HHIP: variants seen among roughly 807,000 people sequenced by gnomAD.
HHIP encodes the protein hedgehog-interacting protein.
Under a neutral mutation model 74.0 loss-of-function variants are expected in HHIP, and 12 were observed. That is an observed-to-expected ratio of 0.16 (90% CI 0.10 to 0.26). HHIP has a LOEUF of 0.26. Ranked by LOEUF, HHIP falls within the 10% of genes least tolerant of loss-of-function variation. HHIP has a pLI of 1.00. For synonymous variants in HHIP, 309 were observed against 311.6 expected (o/e 0.99, Z 0.09); for missense variants, 788 against 845.0 (o/e 0.93, Z 0.84).
intron 4 of HHIP, among the ~76,000 whole-genome samples, chr4:144,690,273 G>T (rs1361622039): frequency 6.6e-6 from 1 of 152,154 alleles, no homozygotes; most frequent in Non-Finnish European, 1.5e-5. Flanking sequence ...TGCAATCAAA[G>T]AATAATAAAA....
chr4:144,684,754 A>G (rs1220631465), intron 4 of HHIP, among the ~76,000 whole-genome samples: 1 of 152,108 alleles, frequency 6.6e-6, no homozygotes, highest in African/African-American at 2.4e-5. Context: ...ATAAGGAGCC[A>G]TTTTTTATTT....
chr4:144,667,352 A>G (rs1490999366), intron 4 of HHIP, among the ~76,000 whole-genome samples: 3 of 152,154 alleles, frequency 2.0e-5, no homozygotes, highest in Non-Finnish European at 4.4e-5. Context: ...TCATCTCAAA[A>G]AAATAATAAA....
At chr4:144,674,521 G>A (rs1304064664) in intron 4 of HHIP, among the ~76,000 whole-genome samples, 1 of 152,014 alleles carries the variant, frequency 6.6e-6, no homozygotes, top group African/African-American at 2.4e-5. Flanking sequence ...AGAAAAGGTT[G>A]AAAAGGATAT....
rs1731203252 is a variant in HHIP at position 144,739,161 on chromosome 4, T to C, written c.*1204T>C. On this transcript the variant is annotated 3_prime_UTR_variant, in exon 13 of 13. Transcript: ENST00000296575. ...CTCAATGAAAATACTCTTTGGCTAA[T>C]GTATCAATAAATTTTCTGTAAATGT... is the stretch of plus-strand genomic sequence containing the variant. 6.6e-6 allele frequency: 1 copy of C among 152,256 alleles called. No homozygotes were observed. The highest frequency in any genetic ancestry group is 1.5e-5 in the Non-Finnish European group (1 of 68,044). 9.4% of individuals were successfully genotyped at this position (152,256 alleles called of 1,614,324 possible).
chr4:144,697,029 G>A (rs191743010), intron 4 of HHIP, among the ~76,000 whole-genome samples: 1 of 151,980 alleles, frequency 6.6e-6, no homozygotes, highest in East Asian at 1.9e-4. Flanking sequence ...CCCTTTTACA[G>A]TTCAGTCTAG....
chr4:144,688,214 A>C (rs1729540520), intron 4 of HHIP, among the ~76,000 whole-genome samples: 1 of 152,130 alleles, frequency 6.6e-6, no homozygotes, highest in South Asian at 2.1e-4. Flanking sequence ...TTCCCACCCA[A>C]GTCAGCCTTG....
intron 4 of HHIP, among the ~76,000 whole-genome samples, chr4:144,698,460 TA>T (rs1190154938): frequency 6.6e-6 from 1 of 152,128 alleles, no homozygotes; most frequent in Non-Finnish European, 1.5e-5. Context: ...CTTTGCAGCC[TA>T]GGAGCAACGG....
chr4:144,713,139 G>A (rs1219782647), intron 8 of HHIP, among the ~76,000 whole-genome samples: 2 of 152,034 alleles, frequency 1.3e-5, no homozygotes, highest in African/African-American at 4.8e-5. Context: ...CCTGTAGTAA[G>A]CACTTTATAC....
intron 7 of HHIP, 125 bp downstream of exon 7, chr4:144,708,436 C>A (rs1347452415): frequency 1.2e-6 from 1 of 857,774 alleles, no homozygotes; most frequent in Admixed American, 2.3e-5. Flanking sequence ...GGCCATGCCT[C>A]TAAAGTCACA....
chr4:144,666,338 T>C (rs1728863095), intron 4 of HHIP, among the ~76,000 whole-genome samples: 1 of 150,228 alleles, frequency 6.7e-6, no homozygotes, highest in Non-Finnish European at 1.5e-5. Context: ...AAATTTCAAG[T>C]ATACAATAAA....
At chr4:144,698,917 G>T (rs1729898715) in intron 4 of HHIP, among the ~76,000 whole-genome samples, 1 of 152,160 alleles carries the variant, frequency 6.6e-6, no homozygotes, top group African/African-American at 2.4e-5. Flanking sequence ...AAATAGACTT[G>T]ATCACGATCT....
chr4:144,718,737 C>T, intron 10 of HHIP, 138 bp from the exon 11 acceptor site: 2 of 672,484 alleles, frequency 3.0e-6, no homozygotes, highest in Non-Finnish European at 2.7e-6. Context: ...ACATGTGAGA[C>T]TCTTGCATAA....
chr4:144,658,689 C>T, intron 2 of HHIP, 101 bp from the exon 3 acceptor site: 1 of 932,100 alleles, frequency 1.1e-6, no homozygotes, highest in South Asian at 1.8e-5. Context: ...AAATATCCAC[C>T]TAGTTTCCCA....
Position 144,659,617 on chromosome 4 carries a change from G to A in HHIP, c.630-20G>A, listed in dbSNP as rs1339202671. 7.0e-7 allele frequency: 1 copy of A among 1,429,866 alleles called. No individual in the cohort carries two copies. Among genetic ancestry groups the A allele is most frequent in the Non-Finnish European group, 9.2e-7 (1 of 1,085,974 alleles). The allele number at this position is 1,429,866 out of a possible 1,614,324, so 88.6% of individuals were successfully genotyped here. ...CCTTCATCTCAAGAAAAGCTTACCGGTTTTCTTTAATTTGTTTAGAAAGCA... is the reference window on the plus strand; with the variant it reads ...CCTTCATCTCAAGAAAAGCTTACCGATTTTCTTTAATTTGTTTAGAAAGCA... On this transcript the variant is annotated intron_variant, in intron 3 of 12. Transcript: ENST00000296575.
At position 144,667,999 on chromosome 4, in the gene HHIP, A is replaced by AATT. The variant is rs550245759; in HGVS notation, c.831+8180_831+8182dup. Among the ~76,000 whole-genome samples, 893 of 151,864 alleles carry AATT rather than the reference A, an allele frequency of 5.9e-3. 10 individuals carry two copies. Among genetic ancestry groups the AATT allele is most frequent in the African/African-American group, 0.02 (845 of 41,434 alleles). On this transcript the variant is annotated intron_variant, in intron 4 of 12. Coordinates refer to ENST00000296575, the MANE Select transcript of HHIP (RefSeq NM_022475.3). ...GTTACAGAGAGTATATTTCTCAAGA[A>AATT]ATTATTATTATTATTATTATTTTGA...
chr4:144,663,365 G>A (rs1226190033), intron 4 of HHIP, among the ~76,000 whole-genome samples: 16 of 152,240 alleles, frequency 1.1e-4, no homozygotes, highest in Non-Finnish European at 2.9e-5. Flanking sequence ...GCATCAATAT[G>A]TTTTTAAAGC....
chr4:144,670,764 GAAAAAA>G (rs1167213848), intron 4 of HHIP, among the ~76,000 whole-genome samples: 30 of 54,910 alleles, frequency 5.5e-4, no homozygotes, highest in African/African-American at 1.7e-3. Context: ...CTTAAGATTT[GAAAAAA>G]AAAAAAAAAA....
At chr4:144,666,459 T>C (rs895115077) in intron 4 of HHIP, among the ~76,000 whole-genome samples, 6 of 152,206 alleles carry the variant, frequency 3.9e-5, no homozygotes, top group African/African-American at 1.4e-4. Flanking sequence ...AGTCATTTCA[T>C]TGATTACTTC....
chr4:144,668,111 A>G (rs1178808715), intron 4 of HHIP, among the ~76,000 whole-genome samples: 2 of 151,912 alleles, frequency 1.3e-5, no homozygotes, highest in Non-Finnish European at 2.9e-5. Flanking sequence ...GACGTCAGGA[A>G]TTCAAGACCA....
Sources: gnomAD v4.1 joint callset for allele counts (sites outside exome capture counted in the v4.1 genomes callset) on GRCh38, gnomAD v4.1.1 for gene constraint, MANE v1.5 for transcripts, NCBI Gene and HGNC (gene_info 2026-07-23, HGNC 2026-07-21) for gene names.